The following PRKCB variants were observed in gnomAD, a reference collection of about 807,000 sequenced individuals.
PRKCB encodes protein kinase C beta type.
A neutral mutation model predicts 81.5 loss-of-function variants in PRKCB; 13 were observed. The observed-to-expected ratio is 0.16, with a 90% confidence interval of 0.10 to 0.25. The LOEUF (loss-of-function observed/expected upper bound fraction) is 0.25, where lower values mean the gene tolerates loss of function less well. PRKCB is among the 10% of genes least tolerant of loss of function. PRKCB has a pLI of 1.00. For synonymous variants in PRKCB, 335 were observed against 321.4 expected (o/e 1.04, Z -0.45); for missense variants, 509 against 875.7 (o/e 0.58, Z 5.29).
Position 24,219,203 on chromosome 16 carries a change from G to T in PRKCB, c.*4387G>T. 7.1e-6 allele frequency: 7 copies of T among 985,272 alleles called. No individual in the cohort carries two copies. The highest frequency in any genetic ancestry group is 1.1e-4 in the East Asian group (1 of 8,794). 61.0% of individuals were successfully genotyped at this position (985,272 alleles called of 1,614,324 possible). A position where few individuals can be genotyped will look rare whatever the true frequency, so the allele number is the denominator to read the frequency against. ...TCCACCTCCCTACTGAACAAAAAAA[G>T]AAATGCCAGACTTACTAGGAGAATC... On this transcript the variant is annotated 3_prime_UTR_variant, in exon 17 of 17. Transcript: ENST00000643927.
intron 9 of PRKCB, among the ~76,000 whole-genome samples, chr16:24,145,269 A>G (rs1454659152): frequency 2.6e-5 from 4 of 152,180 alleles, no homozygotes; most frequent in African/African-American, 7.2e-5. Context: ...TTTCTAAAGC[A>G]TCGTTCAGGT....
Position 24,096,666 on chromosome 16 carries a change from AATATATATAT to A in PRKCB, c.821+2400_821+2409del, listed in dbSNP as rs58341820. Among the ~76,000 whole-genome samples the A allele has an allele frequency of 6.9e-3, 225 of 32,688 alleles. 3 individuals carry two copies. The highest frequency in any genetic ancestry group is 0.018 in the African/African-American group (181 of 10,316). 21.4% of individuals were successfully genotyped at this position (32,688 alleles called of 152,430 possible). A position where few individuals can be genotyped will look rare whatever the true frequency, so the allele number is the denominator to read the frequency against. The stretch of plus-strand genomic sequence containing the variant: ...CCTTCCTATGGCAAAAAAAAAAAAA[AATATATATAT>A]ATATATATATATATATATATATATA... On this transcript the variant is annotated intron_variant, in intron 7 of 16. Transcript: ENST00000643927.
rs532137212 is a variant in PRKCB, at chr16:23,979,912, C to T, written c.206-8596C>T. 1.1e-4 allele frequency among the ~76,000 whole-genome samples: 16 copies of T among 152,112 alleles called. No individual in the cohort carries two copies. In the South Asian group the frequency reaches 1.7e-3, roughly 16 times the overall value. ...CAGCCTGGGCAACATAGTGAGATCC[C>T]GTCTCTAGAAAAAACTTAAAAAATT... On this transcript the variant is annotated intron_variant, in intron 2 of 16. Coordinates refer to ENST00000643927, the MANE Select transcript of PRKCB (RefSeq NM_002738.7).
chr16:24,188,079 A>G lies in PRKCB; in HGVS notation c.1722+2512A>G, dbSNP rs145337227. Among the ~76,000 whole-genome samples, 252 of 152,338 alleles carry G rather than the reference A, an allele frequency of 1.7e-3. 1 individual carries two copies. The highest frequency in any genetic ancestry group is 6.8e-3 in the Middle Eastern group (2 of 294). On this transcript the variant is annotated intron_variant, in intron 15 of 16. Coordinates refer to ENST00000643927, the MANE Select transcript of PRKCB (RefSeq NM_002738.7). ...GGGGTTCTAAATGGGTCATGGAGGA[A>G]AGAGCATTTTCCAGGTCAGCTGCCT...
chr16:24,093,021 T>C (rs1966395716), intron 6 of PRKCB, 74 bp downstream of exon 6: 1 of 1,474,402 alleles, frequency 6.8e-7, no homozygotes, highest in Non-Finnish European at 9.2e-7. Flanking sequence ...AGGGAGTTCC[T>C]CCTCCCTTAG....
intron 2 of PRKCB, among the ~76,000 whole-genome samples, chr16:23,970,809 C>A (rs898868871): frequency 6.6e-6 from 1 of 152,188 alleles, no homozygotes; most frequent in Non-Finnish European, 1.5e-5. Flanking sequence ...ACAGGTAGCA[C>A]TGCCATTTCA....
At chr16:24,041,052 A>ACTTTT (rs1567353858) in intron 5 of PRKCB, among the ~76,000 whole-genome samples, 1 of 104,032 alleles carries the variant, frequency 9.6e-6, no homozygotes, top group Non-Finnish European at 2.1e-5. Flanking sequence ...ATGCAACAAT[A>ACTTTT]ATTTTTTTTG....
chr16:23,923,978 C>T (rs533730203), intron 2 of PRKCB, among the ~76,000 whole-genome samples: 3 of 152,160 alleles, frequency 2.0e-5, no homozygotes, highest in East Asian at 3.9e-4. Context: ...CACTGCCAAG[C>T]GTGTATCACT....
At chr16:24,169,321 G>C (rs1356538933) in intron 10 of PRKCB, among the ~76,000 whole-genome samples, 1 of 152,026 alleles carries the variant, frequency 6.6e-6, no homozygotes, top group Non-Finnish European at 1.5e-5. Flanking sequence ...GGTACACAGC[G>C]GTAAACAAAT....
chr16:24,129,952 C>A (rs928934353), intron 9 of PRKCB, among the ~76,000 whole-genome samples: 1 of 152,114 alleles, frequency 6.6e-6, no homozygotes, highest in Non-Finnish European at 1.5e-5. Context: ...TAACACCCAC[C>A]ACCTGGATTC....
chr16:23,924,147 CTGAG>C (rs1259511683), intron 2 of PRKCB, among the ~76,000 whole-genome samples: 1 of 151,000 alleles, frequency 6.6e-6, no homozygotes, highest in Non-Finnish European at 1.5e-5. Context: ...TCTCATGATA[CTGAG>C]TGAGTTCTCA....
chr16:24,052,973 C>T (rs770234569), intron 5 of PRKCB, among the ~76,000 whole-genome samples: 1 of 152,340 alleles, frequency 6.6e-6, no homozygotes, highest in Non-Finnish European at 1.5e-5. Context: ...CTGAGAACCA[C>T]TGCATTGGAA....
chr16:23,847,365 TATCTATCTATCTGTCC>T (rs1374444708), intron 2 of PRKCB, among the ~76,000 whole-genome samples: 194 of 5,770 alleles, frequency 0.034, 5 homozygotes, highest in East Asian at 0.29. Context: ...TCTATCTATC[TATCTATCTATCTGTCC>T]ATCTATCTAT....
chr16:23,876,823 G>T (rs1243416763), intron 2 of PRKCB, among the ~76,000 whole-genome samples: 2 of 152,236 alleles, frequency 1.3e-5, no homozygotes, highest in African/African-American at 4.8e-5. Flanking sequence ...GCTGGAGAAA[G>T]TGGTTAACAC....
At chr16:23,911,132 T>TTTTTTTTTTG (rs1963646980) in intron 2 of PRKCB, among the ~76,000 whole-genome samples, 1 of 96,504 alleles carries the variant, frequency 1.0e-5, no homozygotes, top group Non-Finnish European at 2.1e-5. Flanking sequence ...TATATGCTTT[T>TTTTTTTTTTG]TTTTTTTTTT....
chr16:24,022,327 T>A (rs906862302), intron 3 of PRKCB, among the ~76,000 whole-genome samples: 3 of 151,912 alleles, frequency 2.0e-5, no homozygotes, highest in Non-Finnish European at 4.4e-5. Context: ...GAAGCAGGCC[T>A]GGTGTAAGAC....
intron 3 of PRKCB, among the ~76,000 whole-genome samples, chr16:24,020,343 G>A (rs899431419): frequency 1.3e-5 from 2 of 152,150 alleles, no homozygotes; most frequent in Non-Finnish European, 2.9e-5. Flanking sequence ...TAAATATTAT[G>A]TTGGTGCAAA....
rs749204741 is a variant in PRKCB at position 23,988,609 on chromosome 16, T to C, written c.288+19T>C. The C allele has an allele frequency of 6.2e-7, 1 of 1,609,142 alleles. No homozygotes were observed. Among genetic ancestry groups the C allele is most frequent in the Non-Finnish European group, 8.5e-7 (1 of 1,175,550 alleles). On this transcript the variant is annotated intron_variant, in intron 3 of 16. Coordinates refer to ENST00000643927, the MANE Select transcript of PRKCB (RefSeq NM_002738.7). ...CTCCGATGTAAGTAATGGGCATCGA[T>C]TGCTTTTCTCTGTCCACAGTCAATG...
chr16:24,089,036 G>C (rs935952041), intron 5 of PRKCB, among the ~76,000 whole-genome samples: 1 of 152,194 alleles, frequency 6.6e-6, no homozygotes, highest in African/African-American at 2.4e-5. Flanking sequence ...CTATGTGATA[G>C]ATGTGTCACT....
Sources: allele counts gnomAD v4.1 joint callset (sites outside exome capture counted in the v4.1 genomes callset), GRCh38; gene constraint gnomAD v4.1.1; transcripts MANE v1.5; gene names NCBI Gene and HGNC (gene_info 2026-07-23, HGNC 2026-07-21).